The following TRPV4 variants were observed in gnomAD, a reference collection of about 807,000 sequenced individuals.
TRPV4 encodes OSM9-like transient receptor potential channel 4.
A neutral mutation model predicts 84.1 loss-of-function variants in TRPV4; 58 were observed. That is an observed-to-expected ratio of 0.69 (90% CI 0.56 to 0.86). The LOEUF (loss-of-function observed/expected upper bound fraction) is 0.86. Among genes scored for constraint, TRPV4 ranks in the 40% least tolerant of loss-of-function variants. The probability of loss-of-function intolerance (pLI) is 0.00; values close to 1 mark genes in which losing one functional copy is unlikely to be tolerated. For missense variants in TRPV4, 879 were observed against 1,181.1 expected (o/e 0.74, Z 3.75); for synonymous variants, 489 against 500.9 (o/e 0.98, Z 0.32).
intron 15 of TRPV4, 22 bp downstream of exon 15, chr12:109,784,294 C>T (rs368664437): frequency 6.2e-7 from 1 of 1,614,018 alleles, no homozygotes; most frequent in Non-Finnish European, 8.5e-7. Context: ...GGGCTCCCCT[C>T]CGCACCCGCC....
intron 7 of TRPV4, among the ~76,000 whole-genome samples, chr12:109,794,772 C>T (rs1890288084): frequency 6.6e-6 from 1 of 152,202 alleles, no homozygotes; most frequent in Non-Finnish European, 1.5e-5. Flanking sequence ...AATCCTAGCA[C>T]TTTGGGAGGC....
At chr12:109,808,058 T>C (rs1891252675) in intron 3 of TRPV4, among the ~76,000 whole-genome samples, 1 of 152,140 alleles carries the variant, frequency 6.6e-6, no homozygotes, top group African/African-American at 2.4e-5. Context: ...ACACTAACCT[T>C]TTCATACATA....
intron 7 of TRPV4, among the ~76,000 whole-genome samples, chr12:109,795,453 T>A (rs1890328144): frequency 6.6e-6 from 1 of 152,212 alleles, no homozygotes; most frequent in African/African-American, 2.4e-5. Flanking sequence ...GAAGACCACC[T>A]GCACCCAGTC....
At chr12:109,807,409 T>C (rs944011107) in intron 3 of TRPV4, among the ~76,000 whole-genome samples, 1 of 150,028 alleles carries the variant, frequency 6.7e-6, no homozygotes, top group East Asian at 2.0e-4. Context: ...TTTTTTTTTT[T>C]CCTGTCTGTC....
intron 4 of TRPV4, 107 bp downstream of exon 4, chr12:109,802,884 G>A (rs1451137023): frequency 4.3e-6 from 5 of 1,171,872 alleles, no homozygotes; most frequent in South Asian, 2.5e-5. Context: ...CAGGTCCTGG[G>A]TACATGCTGG....
Position 109,794,324 on chromosome 12 carries a change from C to G in TRPV4, c.1491+5G>C, listed in dbSNP as rs375360273. 13 of 1,611,548 alleles carry G rather than the reference C, an allele frequency of 8.1e-6. No individual in the cohort carries two copies. In the African/African-American group the frequency reaches 1.7e-4, roughly 22 times the overall value. Reference sequence around the variant, plus strand: ...CCAGCCCCTGCCCGGTCCCCGGGCACTCACTGTGCCCTCCAGCGGCTGGTA... The same window carrying G: ...CCAGCCCCTGCCCGGTCCCCGGGCAGTCACTGTGCCCTCCAGCGGCTGGTA... On this transcript the variant is annotated splice_donor_5th_base_variant and intron_variant, in intron 8 of 15. Transcript: ENST00000261740.
At chr12:109,791,309 GGAGGCAGA>G (rs1890013410) in intron 12 of TRPV4, among the ~76,000 whole-genome samples, 1 of 151,764 alleles carries the variant, frequency 6.6e-6, no homozygotes, top group Non-Finnish European at 1.5e-5. Context: ...CTTGAACCCA[GGAGGCAGA>G]GATTGCAGTG....
chr12:109,788,655 GT>G lies in TRPV4; in HGVS notation c.1952del (p.Asn651ThrfsTer26). On this transcript the variant is annotated frameshift_variant, in exon 13 of 16. Transcript: ENST00000261740. LOFTEE classifies it high-confidence loss of function. ...NMKVCNEDQTNCTVPTYPSCR... is the reference protein window; with the variant it reads ...NMKVCNEDQTXCTVPTYPSCR... ...ACGAGGGGTAAGTGGGCACTGTGCA[GT>G]TGGTCTGGTCCTCATTGCACACCTT... The G allele has an allele frequency of 6.2e-7, 1 of 1,614,274 alleles. No homozygotes were observed. Among genetic ancestry groups the G allele is most frequent in the South Asian group, 1.1e-5 (1 of 91,090 alleles).
Position 109,798,698 on chromosome 12 carries a change from G to A in TRPV4, c.1068C>T (p.Leu356=). The change falls in exon 6 of 16, where the codon CTC becomes CTT. Residue 356 remains leucine, a synonymous_variant. Transcript: ENST00000261740. This position sits in a 1 kb window ranked among gnomAD's most constrained non-coding sequence, Gnocchi z 5.0. The part of the protein sequence containing the change: ...YDLLLLKCAR[L]FPDSNLEAVL... ...CGGCCTCCAGGTTGCTGTCGGGGAAGAGGCGGGCACACTTGAGCAGCAGCA... is the reference window on the plus strand; with the variant it reads ...CGGCCTCCAGGTTGCTGTCGGGGAAAAGGCGGGCACACTTGAGCAGCAGCA... The A allele has an allele frequency of 5.0e-6, 8 of 1,613,986 alleles. No homozygotes were observed. The highest frequency in any genetic ancestry group is 6.8e-6 in the Non-Finnish European group (8 of 1,180,050).
chr12:109,790,409 C>A (rs542285951), intron 12 of TRPV4, among the ~76,000 whole-genome samples: 6 of 152,336 alleles, frequency 3.9e-5, no homozygotes, highest in Admixed American at 3.9e-4. Flanking sequence ...TCTCCCATGA[C>A]CCATGCCACT....
intron 1 of TRPV4, among the ~76,000 whole-genome samples, chr12:109,825,748 G>A (rs1472533372): frequency 2.6e-5 from 4 of 152,300 alleles, no homozygotes; most frequent in African/African-American, 9.6e-5. Flanking sequence ...CCACTTCTAG[G>A]AGCAAAAGTC....
chr12:109,798,742 C>T lies in TRPV4; in HGVS notation c.1024G>A (p.Val342Ile). 6.2e-7 allele frequency: 1 copy of T among 1,614,194 alleles called. No homozygotes were observed. Among genetic ancestry groups the T allele is most frequent in the Non-Finnish European group, 8.5e-7 (1 of 1,180,048 alleles). Reference sequence around the variant, plus strand: ...AGCAGCAGGTCGTACATCTTGGTAACAAACTTGGTGTTCTCACGGGTGTTG... The same window carrying T: ...AGCAGCAGGTCGTACATCTTGGTAATAAACTTGGTGTTCTCACGGGTGTTG... The part of the protein sequence containing the change: ...ADNTRENTKF[V>I]TKMYDLLLLK... Residue 342 changes from valine (V) to isoleucine (I), a missense_variant, in exon 6 of 16, where the codon GTT becomes ATT. Val to Ile is a conservative substitution (Grantham distance 29, BLOSUM62 3). Transcript: ENST00000261740. The surrounding 1 kb of genome is among the most constrained non-coding windows in gnomAD (Gnocchi z 5.0).
intron 2 of TRPV4, among the ~76,000 whole-genome samples, chr12:109,812,947 T>C (rs1035104932): frequency 6.6e-6 from 1 of 151,946 alleles, no homozygotes; most frequent in Admixed American, 6.6e-5. Context: ...AGTGTAAAGA[T>C]GGGTAAATGA....
In TRPV4 at chr12:109,793,902, G is replaced by GA. The variant is rs760689921; in HGVS notation, c.1584+27_1584+28insT. ...GGAAGAGAAGAGGAGGGCAGGCAGGGTGGGGGGCACGGGGGCCAGGCACTT... is the reference window on the plus strand; with the variant it reads ...GGAAGAGAAGAGGAGGGCAGGCAGGGATGGGGGGCACGGGGGCCAGGCACTT... On this transcript the variant is annotated intron_variant, in intron 9 of 15. Coordinates refer to ENST00000261740, the MANE Select transcript of TRPV4 (RefSeq NM_021625.5). This position sits in a 1 kb window ranked among gnomAD's most constrained non-coding sequence, Gnocchi z 4.0. 47 of 1,548,374 alleles carry GA rather than the reference G, an allele frequency of 3.0e-5. No homozygotes were observed. The highest frequency in any genetic ancestry group is 4.0e-5 in the Non-Finnish European group (45 of 1,128,876).
At chr12:109,829,034 T>C (rs957493671) in intron 1 of TRPV4, among the ~76,000 whole-genome samples, 3 of 152,016 alleles carry the variant, frequency 2.0e-5, no homozygotes, top group African/African-American at 7.2e-5. Context: ...AAACCTTTTT[T>C]TTTAATAAGC....
chr12:109,802,614 A>ATTTTT (rs34679148), intron 4 of TRPV4, among the ~76,000 whole-genome samples: 1 of 103,540 alleles, frequency 9.7e-6, no homozygotes, highest in Non-Finnish European at 1.8e-5. Context: ...CTTTTATTTT[A>ATTTTT]TTTTTTTTTT....
Position 109,808,329 on chromosome 12 carries a change from G to A in TRPV4, c.526C>T (p.His176Tyr). Residue 176 changes from histidine (H) to tyrosine (Y), a missense_variant, in exon 3 of 16, where the codon CAC (histidine) becomes TAC (tyrosine). Around this residue, in one of 4 missense-constraint regions of TRPV4, gnomAD observed 521 missense variants for 686.6 expected, o/e 0.76. Transcript: ENST00000261740. ...TCCTCATCAGTTAGGCGTTTCTTGTGGGTCAGCAAGAATGGGAGCAGCCCG... is the reference window on the plus strand; with the variant it reads ...TCCTCATCAGTTAGGCGTTTCTTGTAGGTCAGCAAGAATGGGAGCAGCCCG... ...LDGLLPFLLTHKKRLTDEEFR... is the reference protein window; with the variant it reads ...LDGLLPFLLTYKKRLTDEEFR... 1.2e-6 allele frequency: 2 copies of A among 1,614,214 alleles called. No homozygotes were observed. The highest frequency in any genetic ancestry group is 1.7e-5 in the Admixed American group (1 of 60,034).
At chr12:109,789,306 C>T (rs974054343) in intron 12 of TRPV4, among the ~76,000 whole-genome samples, 59 of 152,214 alleles carry the variant, frequency 3.9e-4, no homozygotes, top group African/African-American at 1.4e-3. Flanking sequence ...ACAGGATGGT[C>T]CCCGCCACGA....
intron 14 of TRPV4, 80 bp from the exon 15 acceptor site, chr12:109,784,517 T>C: frequency 6.2e-7 from 1 of 1,601,416 alleles, no homozygotes; most frequent in South Asian, 1.1e-5. Flanking sequence ...CACCCTCCTA[T>C]TTTTTTATTA....
Sources: allele counts gnomAD v4.1 joint callset (sites outside exome capture counted in the v4.1 genomes callset), GRCh38; gene constraint gnomAD v4.1.1; regional missense constraint gnomAD v4.1.1; non-coding constraint Gnocchi (gnomAD v3.1); transcripts MANE v1.5; gene names NCBI Gene and HGNC (gene_info 2026-07-23, HGNC 2026-07-21).